NEAT1: variants seen among roughly 807,000 people sequenced by gnomAD.
NEAT1 encodes the protein nuclear paraspeckle assembly transcript 1, also known as MENepsilon/beta.
chr11:65,423,961 A>AGT (rs1416895339), exon 1 of NEAT1: 2 of 152,334 alleles, frequency 1.3e-5, no homozygotes, highest in African/African-American at 4.8e-5. Context: ...TTGTTACTAT[A>AGT]GTGTTCCTCA....
exon 1 of NEAT1, chr11:65,436,719 G>C (rs1565633990): frequency 6.6e-6 from 1 of 152,194 alleles, no homozygotes; most frequent in Non-Finnish European, 1.5e-5. Flanking sequence ...CAACATCTGT[G>C]TGGTAGCCGT....
chr11:65,435,072 A>C (rs1210296116), exon 1 of NEAT1: 2 of 152,216 alleles, frequency 1.3e-5, no homozygotes, highest in Non-Finnish European at 2.9e-5. Flanking sequence ...CCCAGGTCAC[A>C]CTGTGGCTTT....
At position 65,438,457 on chromosome 11, in the gene NEAT1, A is replaced by G. The variant is rs367636926; in HGVS notation, n.15660A>G. Reference sequence around the variant, plus strand: ...AGTATATTTGCTATGTTGTGCAACCATCGACACTATCCATTTCTAGAACTT... The same window carrying G: ...AGTATATTTGCTATGTTGTGCAACCGTCGACACTATCCATTTCTAGAACTT... On this transcript the variant is annotated non_coding_transcript_exon_variant, in exon 1 of 1. Coordinates refer to ENST00000501122, the Ensembl canonical transcript of NEAT1. The G allele has an allele frequency of 2.6e-4, 39 of 152,152 alleles. 2 individuals are homozygous for G. Among genetic ancestry groups the G allele is most frequent in the East Asian group, 1.7e-3 (9 of 5,200 alleles). 9.4% of individuals were successfully genotyped at this position (152,152 alleles called of 1,614,324 possible). A position where few individuals can be genotyped will look rare whatever the true frequency, so the allele number is the denominator to read the frequency against.
At chr11:65,443,183 T>C (rs2134909523) in exon 1 of NEAT1, 1 of 152,398 alleles carries the variant, frequency 6.6e-6, no homozygotes. Flanking sequence ...CCGTCACTCC[T>C]GGGGTCTCTC....
chr11:65,433,136 T>C (rs748795473), exon 1 of NEAT1: 3 of 152,194 alleles, frequency 2.0e-5, no homozygotes, highest in Non-Finnish European at 4.4e-5. Flanking sequence ...ATCTTTGCAA[T>C]TGTGACTTGT....
exon 1 of NEAT1, chr11:65,424,362 G>C (rs1856538698): frequency 2.0e-5 from 3 of 152,200 alleles, no homozygotes; most frequent in Non-Finnish European, 4.4e-5. Context: ...GGTCATACTA[G>C]TTTTGTGCTT....
At chr11:65,428,965 G>A (rs979873019) in exon 1 of NEAT1, 1 of 152,100 alleles carries the variant, frequency 6.6e-6, no homozygotes, top group African/African-American at 2.4e-5. Context: ...CATGGGATAA[G>A]TACATTTTTA....
chr11:65,436,809 A>G (rs914160422), exon 1 of NEAT1: 2 of 152,164 alleles, frequency 1.3e-5, no homozygotes, highest in African/African-American at 2.4e-5. Context: ...TATACCGCAT[A>G]TCTGTGTACA....
exon 1 of NEAT1, chr11:65,444,458 T>C (rs1856747208): frequency 2.1e-6 from 1 of 472,448 alleles, no homozygotes; most frequent in Admixed American, 2.4e-5. Context: ...AGCCTCTGCT[T>C]CCCATCTGGA....
exon 1 of NEAT1, chr11:65,428,297 G>A (rs561750304): frequency 6.6e-6 from 1 of 152,274 alleles, no homozygotes; most frequent in African/African-American, 2.4e-5. Context: ...AGCCAGTATT[G>A]GTTGAGGCTC....
At chr11:65,444,658 C>T (rs564490079) in exon 1 of NEAT1, 3 of 380,932 alleles carry the variant, frequency 7.9e-6, no homozygotes, top group East Asian at 7.8e-5. Context: ...GACCGTGGAT[C>T]CTGAGGGTGG....
Position 65,432,668 on chromosome 11 carries a change from A to ATATGTGTG in NEAT1, n.9872_9873insATGTGTGT, listed in dbSNP as rs1555046147. ...TCTTATAATTTTCTTTTTTTTCTTT[A>ATATGTGTG]TGTGTGTGTGTGTGTGTATTTTTTT... is the stretch of plus-strand genomic sequence containing the variant. On this transcript the variant is annotated non_coding_transcript_exon_variant, in exon 1 of 1. Coordinates refer to ENST00000501122, the Ensembl canonical transcript of NEAT1. The ATATGTGTG allele has an allele frequency of 1.6e-3, 225 of 144,972 alleles. 1 individual carries two copies. The highest frequency in any genetic ancestry group is 5.4e-3 in the African/African-American group (211 of 39,210). 9.0% of individuals were successfully genotyped at this position (144,972 alleles called of 1,614,324 possible).
chr11:65,433,659 A>AT (rs1022182253), exon 1 of NEAT1: 2 of 150,816 alleles, frequency 1.3e-5, no homozygotes, highest in South Asian at 2.1e-4. Context: ...ACTGTCTTTG[A>AT]TTTTTTGTTC....
At chr11:65,441,140 C>T (rs1856710723) in exon 1 of NEAT1, 3 of 152,074 alleles carry the variant, frequency 2.0e-5, no homozygotes, top group Admixed American at 6.6e-5. Context: ...TTGTGTGAAA[C>T]TGAAATGAAT....
exon 1 of NEAT1, chr11:65,444,651 C>T (rs3825071): frequency 0.2 from 76,428 of 388,556 alleles, 8,669 homozygotes; most frequent in African/African-American, 0.36. Context: ...TGCTGTGGAC[C>T]GTGGATCCTG....
chr11:65,426,838 A>G (rs181894435), exon 1 of NEAT1: 14 of 152,278 alleles, frequency 9.2e-5, no homozygotes, highest in Admixed American at 9.2e-4. Flanking sequence ...ATATTTTAAA[A>G]CATTACCTGG....
At chr11:65,438,443 T>C (rs547298152) in exon 1 of NEAT1, 36 of 152,332 alleles carry the variant, frequency 2.4e-4, no homozygotes, top group Middle Eastern at 3.4e-3. Context: ...GTATATTTGC[T>C]ATGTTGTGCA....
exon 1 of NEAT1, chr11:65,436,099 C>T (rs1201726325): frequency 6.6e-6 from 1 of 152,230 alleles, no homozygotes; most frequent in Non-Finnish European, 1.5e-5. Context: ...CCGCCACATG[C>T]CAGGAGCTCA....
At chr11:65,424,763 A>G (rs1290937039) in exon 1 of NEAT1, 1 of 152,128 alleles carries the variant, frequency 6.6e-6, no homozygotes, top group African/African-American at 2.4e-5. Context: ...TGGTGGGTAC[A>G]CCGGTAGTGC....
Sources: gnomAD v4.1 joint callset for allele counts on GRCh38, gnomAD v4.1.1 for gene constraint, MANE v1.5 for transcripts, NCBI Gene and HGNC (gene_info 2026-07-23, HGNC 2026-07-21) for gene names.